CDK13: variants seen among roughly 807,000 people sequenced by gnomAD.
CDK13 encodes cyclin dependent kinase 13, also known as cyclin-dependent kinase 13.
Under a neutral mutation model 137.6 loss-of-function variants are expected in CDK13, and 40 were observed. The observed-to-expected ratio is 0.29, with a 90% CI of 0.23 to 0.38. The LOEUF (loss-of-function observed/expected upper bound fraction) is 0.38, where lower values mean the gene tolerates loss of function less well. CDK13 is among the 10% of genes least tolerant of loss of function. The pLI, the probability that CDK13 is intolerant of heterozygous loss-of-function variation, is 1.00. For synonymous variants in CDK13, 869 were observed against 760.1 expected, an observed-to-expected ratio of 1.14 and a Z score of -2.36; for missense variants, 1,704 against 1,951.8, an observed-to-expected ratio of 0.87 and a Z score of 2.39.
chr7:40,083,051 C>T (rs139519658), intron 11 of CDK13, among the ~76,000 whole-genome samples: 10 of 150,238 alleles, frequency 6.7e-5, no homozygotes, highest in African/African-American at 2.2e-4. Flanking sequence ...TGCAGTGAGC[C>T]GAGATCGCGC....
chr7:39,954,914 A>G (rs1562695244), intron 1 of CDK13, among the ~76,000 whole-genome samples: 1 of 152,152 alleles, frequency 6.6e-6, no homozygotes, highest in Admixed American at 6.5e-5. Context: ...GAGCCACCAC[A>G]TCCAGCCTGA....
chr7:40,093,157 T>C lies in CDK13; in HGVS notation c.3608T>C (p.Leu1203Pro). The change falls in exon 13 of 14, where the codon CTA (leucine) becomes CCA (proline). Residue 1203 changes from leucine (L) to proline (P), a missense_variant. Leu to Pro is a moderately conservative substitution (Grantham distance 98, BLOSUM62 -3). Around this residue, in one of 5 missense-constraint regions of CDK13, gnomAD observed 475 missense variants for 579.3 expected, o/e 0.82. Transcript: ENST00000181839. ...CAGTCAAAGCAGAAAGATGTGCTAC[T>C]AGAAGAGAGGGAAAATGGATCGGGA... ...AQQSKQKDVL[L>P]EERENGSGHE... The C allele has an allele frequency of 1.2e-6, 2 of 1,614,176 alleles. No homozygotes were observed. The highest frequency in any genetic ancestry group is 1.7e-6 in the Non-Finnish European group (2 of 1,180,036).
At chr7:39,995,091 ATTTC>A (rs1015422576) in intron 2 of CDK13, among the ~76,000 whole-genome samples, 3 of 151,750 alleles carry the variant, frequency 2.0e-5, no homozygotes, top group Admixed American at 2.0e-4. Flanking sequence ...GCTGGTGTGT[ATTTC>A]TTTTTAAGGC....
At chr7:40,050,549 G>A (rs998702359) in intron 7 of CDK13, among the ~76,000 whole-genome samples, 5 of 152,104 alleles carry the variant, frequency 3.3e-5, no homozygotes, top group African/African-American at 1.2e-4. Context: ...GCACCACCAT[G>A]CCCAGCTAAT....
chr7:39,996,962 A>G (rs12701789), intron 2 of CDK13, among the ~76,000 whole-genome samples: 2 of 27,994 alleles, frequency 7.1e-5, no homozygotes, highest in Admixed American at 4.0e-4. Context: ...ATTCCATCTC[A>G]AAAAAAAAAA....
chr7:40,037,414 T>C (rs907728064), intron 5 of CDK13, among the ~76,000 whole-genome samples: 2 of 152,194 alleles, frequency 1.3e-5, no homozygotes, highest in Admixed American at 6.5e-5. Context: ...GTCTCACTTA[T>C]TCTTTACATG....
chr7:39,998,442 C>CAAAAAAAAAAAAAAA (rs1784609425), intron 3 of CDK13: 1 of 72,618 alleles, frequency 1.4e-5, no homozygotes, highest in African/African-American at 7.5e-5. Context: ...CCCATCTCTA[C>CAAAAAAAAAAAAAAA]CAAAAAAAAA....
At chr7:40,001,510 T>G (rs959033741) in intron 4 of CDK13, among the ~76,000 whole-genome samples, 1 of 152,164 alleles carries the variant, frequency 6.6e-6, no homozygotes, top group African/African-American at 2.4e-5. Flanking sequence ...CTACCACGCC[T>G]GGCCTAGCAT....
At chr7:39,957,967 A>G (rs750391387) in intron 1 of CDK13, among the ~76,000 whole-genome samples, 1 of 152,140 alleles carries the variant, frequency 6.6e-6, no homozygotes, top group Non-Finnish European at 1.5e-5. Flanking sequence ...TTTGTTTTCT[A>G]TAAATTTATA....
intron 5 of CDK13, among the ~76,000 whole-genome samples, chr7:40,031,807 G>A (rs911674547): frequency 3.5e-5 from 5 of 143,780 alleles, no homozygotes; most frequent in African/African-American, 1.3e-4. Flanking sequence ...CACCAAGCTC[G>A]GCTAATTTAT....
chr7:39,986,351 G>A (rs898893099), intron 1 of CDK13: 2 of 152,092 alleles, frequency 1.3e-5, no homozygotes, highest in African/African-American at 4.8e-5. Flanking sequence ...AACTTTGCTT[G>A]CCACTATACT....
chr7:40,034,317 C>T (rs1191035856), intron 5 of CDK13, among the ~76,000 whole-genome samples: 1 of 152,120 alleles, frequency 6.6e-6, no homozygotes, highest in East Asian at 1.9e-4. Flanking sequence ...AGTGGTTTGC[C>T]CTGTGACTCC....
intron 12 of CDK13, among the ~76,000 whole-genome samples, chr7:40,091,079 C>G (rs1355520432): frequency 6.6e-6 from 1 of 152,178 alleles, no homozygotes; most frequent in African/African-American, 2.4e-5. Flanking sequence ...GGCATGGTGG[C>G]TCACGCCTGT....
chr7:39,951,550 C>G lies in CDK13; in HGVS notation c.909C>G (p.Asp303Glu), dbSNP rs1236340055. ...YKEPPKAYREDKTEPKAYRRR... is the reference protein window; with the variant it reads ...YKEPPKAYREEKTEPKAYRRR... The stretch of plus-strand genomic sequence containing the variant: ...AACCGCCCAAGGCCTACCGGGAGGA[C>G]AAGACCGAGCCTAAGGCCTACAGGC... The change falls in exon 1 of 14, where the codon GAC (aspartate) becomes GAG (glutamate). Residue 303 changes from aspartate (D) to glutamate (E), a missense_variant. Physicochemically the swap from Asp to Glu is conservative, Grantham distance 45. This residue lies in a region of CDK13 where 1,051 missense variants were observed against 931.0 expected (regional missense o/e 1.13). Coordinates refer to ENST00000181839, the MANE Select transcript of CDK13 (RefSeq NM_003718.5). The G allele has an allele frequency of 7.2e-6, 11 of 1,538,396 alleles. No individual in the cohort carries two copies. The East Asian group carries it at 1.0e-4, about 14-fold the overall frequency.
At chr7:40,080,019 A>C (rs1448570970) in intron 11 of CDK13, among the ~76,000 whole-genome samples, 1 of 152,030 alleles carries the variant, frequency 6.6e-6, no homozygotes, top group Non-Finnish European at 1.5e-5. Flanking sequence ...ACAAAGTCTC[A>C]CTCTGTCTCC....
At chr7:40,007,718 G>A (rs1216285594) in intron 5 of CDK13, among the ~76,000 whole-genome samples, 2 of 152,176 alleles carry the variant, frequency 1.3e-5, no homozygotes, top group Admixed American at 1.3e-4. Flanking sequence ...ATGAACCACC[G>A]CGCCCAGCCA....
At chr7:40,005,517 G>C (rs1285478815) in intron 5 of CDK13, among the ~76,000 whole-genome samples, 2 of 152,010 alleles carry the variant, frequency 1.3e-5, no homozygotes, top group Non-Finnish European at 2.9e-5. Context: ...GGCTGGTCTG[G>C]AACTCCTGAC....
chr7:39,996,467 A>G (rs985747749), intron 2 of CDK13, among the ~76,000 whole-genome samples: 1 of 152,232 alleles, frequency 6.6e-6, no homozygotes, highest in African/African-American at 2.4e-5. Flanking sequence ...ATGCATTCAT[A>G]AAAAGTACAA....
intron 5 of CDK13, among the ~76,000 whole-genome samples, chr7:40,021,150 C>CACACACACACACACAT (rs1562733223): frequency 6.6e-6 from 1 of 150,442 alleles, no homozygotes; most frequent in Non-Finnish European, 1.5e-5. Context: ...CACACACACA[C>CACACACACACACACAT]ATAAAGTTTT....
Sources: allele counts gnomAD v4.1 joint callset (sites outside exome capture counted in the v4.1 genomes callset), GRCh38; gene constraint gnomAD v4.1.1; regional missense constraint gnomAD v4.1.1; transcripts MANE v1.5; gene names NCBI Gene and HGNC (gene_info 2026-07-23, HGNC 2026-07-21).